Variants in PI4KA observed in about 807,000 individuals in gnomAD.
The protein encoded by PI4KA is phosphatidylinositol 4-kinase alpha.
Under a neutral mutation model 271.4 loss-of-function variants are expected in PI4KA, and 122 were observed. The ratio of observed to expected loss-of-function variants is 0.45; its 90% CI spans 0.39 to 0.52. The LOEUF is 0.52. Among genes scored for constraint, PI4KA ranks in the 20% least tolerant of loss-of-function variants. PI4KA has a pLI of 0.00. For synonymous variants in PI4KA, 1,041 were observed against 1,078.8 expected, an observed-to-expected ratio of 0.96 and a Z score of 0.69; for missense variants, 1,969 against 2,769.1, an observed-to-expected ratio of 0.71 and a Z score of 6.48.
chr22:20,786,721 T>A lies in PI4KA; in HGVS notation c.2328+6472A>T, dbSNP rs553834850. Among the ~76,000 whole-genome samples the A allele has an allele frequency of 1.3e-4, 20 of 152,156 alleles. No homozygotes were observed. In the South Asian group the frequency reaches 3.7e-3, roughly 28 times the overall value. On this transcript the variant is annotated intron_variant, in intron 19 of 54. Transcript: ENST00000255882. Reference sequence around the variant, plus strand: ...TGCAACGGCTGCCCCTGACAGGTGGTGACAGATATTTTCAAGAGTGACTCT... The same window carrying A: ...TGCAACGGCTGCCCCTGACAGGTGGAGACAGATATTTTCAAGAGTGACTCT...
intron 44 of PI4KA, 103 bp from the exon 45 acceptor site, chr22:20,717,881 C>T (rs1601323286): frequency 2.6e-6 from 2 of 755,428 alleles, no homozygotes; most frequent in Admixed American, 4.1e-5. Flanking sequence ...CTGTCCCTCT[C>T]TTCCCGGCTC....
At chr22:20,726,060 A>C (rs1927310596) in intron 42 of PI4KA, among the ~76,000 whole-genome samples, 1 of 152,214 alleles carries the variant, frequency 6.6e-6, no homozygotes, top group Non-Finnish European at 1.5e-5. Context: ...GAGAATGAGA[A>C]TAGACATTTC....
chr22:20,830,928 T>C (rs1334460725), intron 3 of PI4KA, among the ~76,000 whole-genome samples: 1 of 152,126 alleles, frequency 6.6e-6, no homozygotes, highest in Non-Finnish European at 1.5e-5. Flanking sequence ...TCTGCCACCA[T>C]GCTCAGCTAA....
chr22:20,753,250 T>G, intron 23 of PI4KA, 70 bp from the exon 24 acceptor site: 2 of 1,416,366 alleles, frequency 1.4e-6, no homozygotes, highest in Non-Finnish European at 2.0e-6. Flanking sequence ...TTCAATCATT[T>G]TCTTTTGAAA....
chr22:20,716,684 G>A (rs1347138853), intron 45 of PI4KA, among the ~76,000 whole-genome samples: 1 of 152,084 alleles, frequency 6.6e-6, no homozygotes. Flanking sequence ...CAGGGGCTGG[G>A]GACTTCTGTG....
In PI4KA at chr22:20,734,427, G is replaced by A; in HGVS notation, c.3868C>T (p.Pro1290Ser). ...CAGATGTAGTGGGGGGTCACTTCGG[G>A]GGGACAGGGTTTGGGTTGACTTGCT... ...SEASQPKPCP[P>S]EVTPHYIWID... Residue 1290 changes from proline (P) to serine (S), a missense_variant, in exon 33 of 55, where the codon CCC becomes TCC. By Grantham distance (74) the Pro-to-Ser change is moderately conservative. Transcript: ENST00000255882. 6.2e-7 allele frequency: 1 copy of A among 1,607,600 alleles called. No homozygotes were observed. The highest frequency in any genetic ancestry group is 8.5e-7 in the Non-Finnish European group (1 of 1,175,182).
chr22:20,768,530 A>G (rs1932735515), intron 19 of PI4KA, among the ~76,000 whole-genome samples: 1 of 152,202 alleles, frequency 6.6e-6, no homozygotes, highest in African/African-American at 2.4e-5. Flanking sequence ...ACATGTTAAG[A>G]TTATTTCTGG....
At chr22:20,718,164 A>C (rs1926251863) in intron 44 of PI4KA, among the ~76,000 whole-genome samples, 1 of 152,224 alleles carries the variant, frequency 6.6e-6, no homozygotes, top group African/African-American at 2.4e-5. Context: ...AAAGTGACCA[A>C]GGTCAGAGCA....
chr22:20,819,899 T>C lies in PI4KA; in HGVS notation c.531A>G (p.Glu177=). Residue 177 remains glutamate (E), a splice_region_variant and synonymous_variant, in exon 6 of 55, where the codon GAA becomes GAG. Coordinates refer to ENST00000255882, the MANE Select transcript of PI4KA (RefSeq NM_058004.4). ...MCQALEIQDK[E]YLCKYAIPCL... The stretch of plus-strand genomic sequence containing the variant: ...ATGGGATAGCATACTTGCAAAGGTA[T>C]TCTAGAAGATCAAGTGAAAACGTTA... The C allele has an allele frequency of 6.2e-7, 1 of 1,612,808 alleles. No homozygotes were observed. Among genetic ancestry groups the C allele is most frequent in the African/African-American group, 1.3e-5 (1 of 74,990 alleles).
At chr22:20,737,638 T>TTC (rs1156507922) in intron 32 of PI4KA, among the ~76,000 whole-genome samples, 3 of 149,472 alleles carry the variant, frequency 2.0e-5, no homozygotes, top group East Asian at 1.9e-4. Context: ...CTTTTTCTTT[T>TTC]TTTTTTTTTT....
intron 12 of PI4KA, among the ~76,000 whole-genome samples, chr22:20,803,612 C>G (rs1450486705): frequency 6.6e-6 from 1 of 152,228 alleles, no homozygotes; most frequent in African/African-American, 2.4e-5. Context: ...GCAGCCTTGA[C>G]TTACTGGGCT....
chr22:20,805,101 C>G lies in PI4KA; in HGVS notation c.1233G>C (p.Gln411His). The G allele has an allele frequency of 6.2e-7, 1 of 1,614,180 alleles. No homozygotes were observed. The highest frequency in any genetic ancestry group is 8.5e-7 in the Non-Finnish European group (1 of 1,179,996). ...DFVLEQFNTS[Q>H]GELQKILHDA... ...CATGTAGAATCTTCTGGAGCTCCCCCTGGCTCGTGTTGAACTGCTCCAGCA... is the reference window on the plus strand; with the variant it reads ...CATGTAGAATCTTCTGGAGCTCCCCGTGGCTCGTGTTGAACTGCTCCAGCA... The change falls in exon 11 of 55, where the codon CAG becomes CAC. Residue 411 changes from glutamine to histidine, a missense_variant. By Grantham distance (24) the Gln-to-His change is conservative. This residue lies in a region of PI4KA where 540 missense variants were observed against 555.5 expected (regional missense o/e 0.97). Coordinates refer to ENST00000255882, the MANE Select transcript of PI4KA (RefSeq NM_058004.4).
In PI4KA at chr22:20,724,081, G is replaced by A. The variant is rs1023591547; in HGVS notation, c.4995+2407C>T. Among the ~76,000 whole-genome samples, 9 of 151,700 alleles carry A rather than the reference G, an allele frequency of 5.9e-5. No individual in the cohort carries two copies. In the Middle Eastern group the frequency reaches 0.01, roughly 172 times the overall value. ...TCTCGATCTCCTGACCTCGTGATCC[G>A]CCCGCCTCAGCCTCCCAAAGTGCTG... On this transcript the variant is annotated intron_variant, in intron 42 of 54. Transcript: ENST00000255882.
At chr22:20,723,288 G>A (rs879610964) in intron 42 of PI4KA, among the ~76,000 whole-genome samples, 4 of 151,836 alleles carry the variant, frequency 2.6e-5, no homozygotes, top group African/African-American at 9.7e-5. Flanking sequence ...CCAAAGTGCT[G>A]GGATTACAAG....
intron 19 of PI4KA, among the ~76,000 whole-genome samples, chr22:20,775,384 T>G (rs1003811674): frequency 6.6e-6 from 1 of 152,238 alleles, no homozygotes; most frequent in African/African-American, 2.4e-5. Flanking sequence ...CCATAAAAGA[T>G]ATCAGAGATA....
rs899080006 is a variant in PI4KA, at chr22:20,733,088, T to A, written c.4171A>T (p.Lys1391Ter). The stretch of plus-strand genomic sequence containing the variant: ...CGCTTCTCTCCTTGAGTAGGGAACT[T>A]TGGGGGACAGCTTCAAACAACCATA... The part of the protein sequence containing the change: ...TAFDYFSCPP[K>*]FPTQGEKRLR... Residue 1391 changes from lysine to a stop codon, truncating the protein, a stop_gained, in exon 36 of 55, where the codon AAG becomes TAG. Coordinates refer to ENST00000255882, the MANE Select transcript of PI4KA (RefSeq NM_058004.4). LOFTEE classifies it high-confidence loss of function. 6.2e-7 allele frequency: 1 copy of A among 1,611,946 alleles called. No individual in the cohort carries two copies. Among genetic ancestry groups the A allele is most frequent in the Admixed American group, 1.7e-5 (1 of 60,010 alleles).
intron 41 of PI4KA, 125 bp from the exon 42 acceptor site, chr22:20,726,666 G>T: frequency 1.2e-6 from 1 of 806,254 alleles, no homozygotes; most frequent in East Asian, 3.2e-5. Flanking sequence ...AAGCCCAGAG[G>T]ATGGCAGGCA....
At position 20,858,748 on chromosome 22, in the gene PI4KA, C is replaced by A. The variant is rs1025508559; in HGVS notation, c.-23G>T. ...CATCACCTCACGAGCCGCGGCGCTG[C>A]CCGCCGGCTCCCCGCTCCTGGCCCG... On this transcript the variant is annotated 5_prime_UTR_variant, in exon 1 of 55. Coordinates refer to ENST00000255882, the MANE Select transcript of PI4KA (RefSeq NM_058004.4). 2.9e-6 allele frequency: 4 copies of A among 1,367,356 alleles called. No homozygotes were observed. The East Asian group carries it at 1.3e-4, about 46-fold the overall frequency. The allele number at this position is 1,367,356 out of a possible 1,614,324, so 84.7% of individuals were successfully genotyped here.
At chr22:20,786,079 GA>G in intron 19 of PI4KA, 3 of 1,614,102 alleles carry the variant, frequency 1.9e-6, no homozygotes, top group Non-Finnish European at 2.5e-6. Context: ...AGTTGATGGG[GA>G]TCAGGATGCT....
Sources: allele counts gnomAD v4.1 joint callset (sites outside exome capture counted in the v4.1 genomes callset), GRCh38; gene constraint gnomAD v4.1.1; regional missense constraint gnomAD v4.1.1; transcripts MANE v1.5; gene names NCBI Gene and HGNC (gene_info 2026-07-23, HGNC 2026-07-21).